HEATR6: variants seen among roughly 807,000 people sequenced by gnomAD.
The protein encoded by HEATR6 is HEAT repeat containing 6, also known as HEAT repeat-containing protein 6.
HEATR6 carries 106 observed loss-of-function variants against 132.8 expected under a neutral mutation model. The observed-to-expected ratio is 0.80, with a 90% CI of 0.68 to 0.94. The LOEUF (loss-of-function observed/expected upper bound fraction) is 0.94. Ranked by LOEUF, HEATR6 falls within the 40% of genes least tolerant of loss-of-function variation. HEATR6 has a pLI of 0.00. For missense variants in HEATR6, 1,339 were observed against 1,425.1 expected, an observed-to-expected ratio of 0.94 and a Z score of 0.97; for synonymous variants, 529 against 537.8, an observed-to-expected ratio of 0.98 and a Z score of 0.23.
Position 60,057,177 on chromosome 17 carries a change from G to A in HEATR6, c.1950C>T (p.Pro650=). 1 of 1,614,166 alleles carries A rather than the reference G, an allele frequency of 6.2e-7. No individual in the cohort carries two copies. The highest frequency in any genetic ancestry group is 1.7e-5 in the Admixed American group (1 of 60,020). ...SVSSPKGSSE[P]CWLIRLCISI... is the part of the protein sequence containing the mutation. Reference sequence around the variant, plus strand: ...AAATGCAGAGTCGAATGAGCCAGCAGGGCTCTGAAGACCCCTTAGGTGAGC... The same window carrying A: ...AAATGCAGAGTCGAATGAGCCAGCAAGGCTCTGAAGACCCCTTAGGTGAGC... Residue 650 remains proline, a synonymous_variant, in exon 12 of 20, where the codon CCC becomes CCT. Transcript: ENST00000184956.
intron 15 of HEATR6, 21 bp downstream of exon 15, chr17:60,050,821 TG>T: frequency 6.2e-7 from 1 of 1,613,696 alleles, no homozygotes; most frequent in Non-Finnish European, 8.5e-7. Flanking sequence ...GATTTAAGGG[TG>T]AGAAAACACC....
Position 60,057,189 on chromosome 17 carries a change from C to A in HEATR6, c.1938G>T (p.Gly646=). The change falls in exon 12 of 20, where the codon GGG becomes GGT. Residue 646 remains glycine, a synonymous_variant. Transcript: ENST00000184956. ...GAATGAGCCAGCAGGGCTCTGAAGA[C>A]CCCTTAGGTGAGCTAACTGACGTTT... ...LEETSVSSPK[G]SSEPCWLIRL... is the part of the protein sequence containing the mutation. 3 of 1,614,114 alleles carry A rather than the reference C, an allele frequency of 1.9e-6. No homozygotes were observed. The highest frequency in any genetic ancestry group is 2.5e-6 in the Non-Finnish European group (3 of 1,179,976).
At chr17:60,078,159 G>C (rs2083305717) in intron 1 of HEATR6, among the ~76,000 whole-genome samples, 1 of 152,166 alleles carries the variant, frequency 6.6e-6, no homozygotes, top group Non-Finnish European at 1.5e-5. Flanking sequence ...ATTAATTTAA[G>C]GCCTGATGTG....
intron 14 of HEATR6, among the ~76,000 whole-genome samples, chr17:60,054,186 T>A (rs1295728109): frequency 1.3e-5 from 2 of 152,244 alleles, no homozygotes; most frequent in East Asian, 3.8e-4. Flanking sequence ...CCCCAGATAC[T>A]GCTCGGTTTT....
chr17:60,067,305 T>C, intron 8 of HEATR6, 129 bp downstream of exon 8: 1 of 551,058 alleles, frequency 1.8e-6, no homozygotes, highest in Non-Finnish European at 3.0e-6. Context: ...ACAAGTCATG[T>C]TCTGAATAAC....
chr17:60,045,119 C>T (rs1286276016), intron 19 of HEATR6, among the ~76,000 whole-genome samples: 3 of 152,150 alleles, frequency 2.0e-5, no homozygotes, highest in Admixed American at 6.5e-5. Context: ...ACTGAGGTGC[C>T]CTGGTTTCAA....
chr17:60,070,660 T>C, intron 6 of HEATR6, 46 bp downstream of exon 6: 2 of 1,105,934 alleles, frequency 1.8e-6, no homozygotes, highest in Non-Finnish European at 2.8e-6. Context: ...CCTTGTACCA[T>C]GGGTTGAAAC....
Position 60,076,274 on chromosome 17 carries a change from T to C in HEATR6, c.220-37A>G, listed in dbSNP as rs377400491. On this transcript the variant is annotated intron_variant, in intron 1 of 19. Transcript: ENST00000184956. Reference sequence around the variant, plus strand: ...AAAAAGATAAGAGGTAAAATACTTATTAGTCAAGTGAAGATCCTCAAAACA... The same window carrying C: ...AAAAAGATAAGAGGTAAAATACTTACTAGTCAAGTGAAGATCCTCAAAACA... 1,137 of 1,163,234 alleles carry C rather than the reference T, an allele frequency of 9.8e-4. 3 individuals carry two copies. Among genetic ancestry groups the C allele is most frequent in the South Asian group, 2.5e-3 (196 of 77,530 alleles). The allele number at this position is 1,163,234 out of a possible 1,614,324, so 72.1% of individuals were successfully genotyped here. A position where few individuals can be genotyped will look rare whatever the true frequency, so the allele number is the denominator to read the frequency against.
chr17:60,076,371 A>G, intron 1 of HEATR6, 134 bp from the exon 2 acceptor site: 1 of 597,040 alleles, frequency 1.7e-6, no homozygotes, highest in African/African-American at 1.9e-5. Context: ...CAGGAAGGAA[A>G]AAAATGAAGT....
In HEATR6 at chr17:60,067,517, G is replaced by A. The variant is rs1316545958; in HGVS notation, c.1155C>T (p.Ser385=). Residue 385 remains serine (S), a synonymous_variant, in exon 8 of 20, where the codon TCC becomes TCT. Coordinates refer to ENST00000184956, the MANE Select transcript of HEATR6 (RefSeq NM_022070.5). The part of the protein sequence containing the change: ...GAAEKDGVSS[S]FSSSSWKRVS... ...CCCTTTTCCAACTGGAAGAACTGAA[G>A]GATGAGGAGACTCCATCTTTTTCTG... The A allele has an allele frequency of 1.2e-6, 2 of 1,611,546 alleles. No individual in the cohort carries two copies. Among genetic ancestry groups the A allele is most frequent in the Non-Finnish European group, 1.7e-6 (2 of 1,179,218 alleles).
At chr17:60,075,098 A>G (rs866114799) in intron 2 of HEATR6, among the ~76,000 whole-genome samples, 67 of 152,336 alleles carry the variant, frequency 4.4e-4, no homozygotes, top group African/African-American at 1.6e-3. Flanking sequence ...GGAGTCTACT[A>G]GAGAGTTCAT....
chr17:60,059,390 A>T, intron 11 of HEATR6, 32 bp downstream of exon 11: 1 of 1,281,724 alleles, frequency 7.8e-7, no homozygotes. Context: ...TGACTGATAC[A>T]AAGAAGCCAT....
chr17:60,048,984 ATATAT>A (rs1906474565), intron 16 of HEATR6, among the ~76,000 whole-genome samples: 1 of 5,690 alleles, frequency 1.8e-4, no homozygotes, highest in South Asian at 4.8e-3. Context: ...TATATATATA[ATATAT>A]ATATATATAT....
At chr17:60,077,239 A>C (rs1280467723) in intron 1 of HEATR6, among the ~76,000 whole-genome samples, 4 of 152,214 alleles carry the variant, frequency 2.6e-5, no homozygotes, top group African/African-American at 9.6e-5. Context: ...GTAAAGCAGA[A>C]TCTGGAATGA....
At chr17:60,060,285 T>A (rs1000233488) in intron 9 of HEATR6, among the ~76,000 whole-genome samples, 189 bp from the exon 10 acceptor site, 3 of 152,204 alleles carry the variant, frequency 2.0e-5, no homozygotes, top group Non-Finnish European at 4.4e-5. Flanking sequence ...ATCTTTATTT[T>A]ATTTTTATTT....
chr17:60,066,832 CAT>C (rs2083243286), intron 8 of HEATR6, among the ~76,000 whole-genome samples: 2 of 152,326 alleles, frequency 1.3e-5, no homozygotes, highest in East Asian at 3.9e-4. Context: ...ATAACTATCA[CAT>C]GTTACGAATA....
chr17:60,044,621 T>C (rs945141605), intron 19 of HEATR6, among the ~76,000 whole-genome samples: 1 of 152,172 alleles, frequency 6.6e-6, no homozygotes, highest in Admixed American at 6.5e-5. Context: ...AAAAGAAAAC[T>C]TACAATTTCA....
intron 17 of HEATR6, 107 bp downstream of exon 17, chr17:60,048,157 A>G: frequency 8.6e-7 from 1 of 1,163,492 alleles, no homozygotes; most frequent in South Asian, 1.8e-5. Flanking sequence ...GACTGACTGC[A>G]TAATATGCGG....
At chr17:60,056,896 C>G (rs950900020) in intron 12 of HEATR6, 152 bp downstream of exon 12, 1 of 573,872 alleles carries the variant, frequency 1.7e-6, no homozygotes, top group Non-Finnish European at 3.0e-6. Flanking sequence ...CAAAACAAAA[C>G]AACAACAAAA....
Sources: allele counts gnomAD v4.1 joint callset (sites outside exome capture counted in the v4.1 genomes callset), GRCh38; gene constraint gnomAD v4.1.1; transcripts MANE v1.5; gene names NCBI Gene and HGNC (gene_info 2026-07-23, HGNC 2026-07-21).